The following LRIG1 variants were observed in gnomAD, a reference collection of about 807,000 sequenced individuals.
LRIG1 encodes leucine rich repeats and immunoglobulin like domains 1, also known as leucine-rich repeats and immunoglobulin-like domains protein 1.
LRIG1 carries 48 observed loss-of-function variants against 99.2 expected under a neutral mutation model. The ratio of observed to expected loss-of-function variants is 0.48; its 90% CI spans 0.38 to 0.62. The LOEUF (loss-of-function observed/expected upper bound fraction) is 0.62. LRIG1 is among the 20% of genes least tolerant of loss of function. The pLI, the probability that LRIG1 is intolerant of heterozygous loss-of-function variation, is 0.00. For synonymous variants in LRIG1, 772 were observed against 596.1 expected (o/e 1.29, Z -4.30); for missense variants, 1,646 against 1,434.4 (o/e 1.15, Z -2.38).
intron 2 of LRIG1, among the ~76,000 whole-genome samples, chr3:66,460,430 G>A (rs1004320500): frequency 1.3e-5 from 2 of 152,202 alleles, no homozygotes; most frequent in African/African-American, 4.8e-5. Flanking sequence ...TCCATATGCT[G>A]AAGCTCTAAC....
rs761699867 is a variant in LRIG1, at chr3:66,417,089, A to G, written c.503+40T>C. On this transcript the variant is annotated intron_variant, in intron 4 of 18. Coordinates refer to ENST00000273261, the MANE Select transcript of LRIG1 (RefSeq NM_015541.3). ...CGGTGAAGCTGTTAGCTGGCTGGAC[A>G]CAGCGGGCCAGCCACAGGTGGCAGA... The G allele has an allele frequency of 1.7e-5, 28 of 1,603,664 alleles. No individual in the cohort carries two copies. In the East Asian group the frequency reaches 3.8e-4, roughly 22 times the overall value.
In LRIG1 at chr3:66,382,029, T is replaced by A. The variant is rs1232208251; in HGVS notation, c.2617+244A>T. Among the ~76,000 whole-genome samples the A allele has an allele frequency of 2.0e-5, 3 of 152,240 alleles. No individual in the cohort carries two copies. In the East Asian group the frequency reaches 5.8e-4, roughly 29 times the overall value. ...CAGCTGCTACTCCAGGCAAGCCTACTTTATCCTGCCAGGGAGATGCTAAGC... is the reference window on the plus strand; with the variant it reads ...CAGCTGCTACTCCAGGCAAGCCTACATTATCCTGCCAGGGAGATGCTAAGC... On this transcript the variant is annotated intron_variant, in intron 16 of 18. Coordinates refer to ENST00000273261, the MANE Select transcript of LRIG1 (RefSeq NM_015541.3).
At chr3:66,406,505 C>T (rs1702274305) in intron 8 of LRIG1, 1 of 828,048 alleles carries the variant, frequency 1.2e-6, no homozygotes, top group South Asian at 5.5e-5. Context: ...GCCGGCTCTG[C>T]CAGGTGCAAG....
At chr3:66,417,540 G>A (rs1284842364) in intron 3 of LRIG1, 1 of 427,906 alleles carries the variant, frequency 2.3e-6, no homozygotes, top group African/African-American at 2.0e-5. Context: ...TGAAGACCAT[G>A]TGAGACCAGC....
At chr3:66,431,462 T>C (rs1703169403) in intron 3 of LRIG1, among the ~76,000 whole-genome samples, 1 of 152,154 alleles carries the variant, frequency 6.6e-6, no homozygotes, top group Non-Finnish European at 1.5e-5. Context: ...GAGGCTGCCA[T>C]GCATGGTTTT....
At chr3:66,456,753 A>G (rs1461402984) in intron 2 of LRIG1, among the ~76,000 whole-genome samples, 1 of 152,120 alleles carries the variant, frequency 6.6e-6, no homozygotes, top group African/African-American at 2.4e-5. Flanking sequence ...AATACCCAAT[A>G]GCAGGCAGGG....
rs1409336066 is a variant in LRIG1 at position 66,383,402 on chromosome 3, C to G, written c.2072-1G>C. 1.3e-6 allele frequency: 2 copies of G among 1,541,720 alleles called. No individual in the cohort carries two copies. Among genetic ancestry groups the G allele is most frequent in the Non-Finnish European group, 1.8e-6 (2 of 1,140,146 alleles). On this transcript the variant is annotated splice_acceptor_variant, in intron 14 of 18. Coordinates refer to ENST00000273261, the MANE Select transcript of LRIG1 (RefSeq NM_015541.3). LOFTEE classifies it high-confidence loss of function. ...AAGGGGACCACCAAGGATGGGGTCTCTACAAGAGAGCAACAGAGATCTTAG... is the reference window on the plus strand; with the variant it reads ...AAGGGGACCACCAAGGATGGGGTCTGTACAAGAGAGCAACAGAGATCTTAG...
intron 1 of LRIG1, among the ~76,000 whole-genome samples, chr3:66,478,838 C>T (rs928646963): frequency 2.4e-4 from 37 of 152,188 alleles, no homozygotes; most frequent in Non-Finnish European, 2.6e-4. Context: ...AAATTAAAAA[C>T]AAAACTCAGA....
chr3:66,403,833 G>A (rs1559779798), intron 9 of LRIG1, among the ~76,000 whole-genome samples: 1 of 152,124 alleles, frequency 6.6e-6, no homozygotes, highest in Non-Finnish European at 1.5e-5. Flanking sequence ...CCTTCAATCG[G>A]TTATGGCCGA....
intron 1 of LRIG1, among the ~76,000 whole-genome samples, chr3:66,486,088 A>ATT (rs1395838035): frequency 6.6e-6 from 1 of 152,146 alleles, no homozygotes; most frequent in African/African-American, 2.4e-5. Context: ...CAGAGACAAT[A>ATT]TTTTTCATAG....
intron 1 of LRIG1, among the ~76,000 whole-genome samples, chr3:66,497,727 A>AAAAG (rs1309704557): frequency 1.3e-5 from 2 of 151,274 alleles, no homozygotes; most frequent in Admixed American, 1.3e-4. Flanking sequence ...AAAAAAAAAA[A>AAAAG]AGGTCCCATA....
At chr3:66,405,370 C>T in intron 8 of LRIG1, 92 bp from the exon 9 acceptor site, 1 of 1,034,902 alleles carries the variant, frequency 9.7e-7, no homozygotes, top group Non-Finnish European at 1.5e-6. Context: ...AGCTGAAGTC[C>T]CCTGGGTGCA....
intron 3 of LRIG1, among the ~76,000 whole-genome samples, chr3:66,448,477 G>C (rs887262705): frequency 2.6e-5 from 4 of 152,222 alleles, no homozygotes; most frequent in Non-Finnish European, 4.4e-5. Flanking sequence ...GGGTAACTAT[G>C]TCTTTTGTGA....
rs948127212 is a variant in LRIG1, at chr3:66,422,746, T to C, written c.366-5480A>G. 2.6e-4 allele frequency among the ~76,000 whole-genome samples: 40 copies of C among 152,222 alleles called. 1 individual carries two copies. The highest frequency in any genetic ancestry group is 2.9e-5 in the Non-Finnish European group (2 of 68,032). Reference sequence around the variant, plus strand: ...TTTCAGCAATGTCCCACTCTACTGGTACCAATTTACTGTCTTAGTTATTTT... The same window carrying C: ...TTTCAGCAATGTCCCACTCTACTGGCACCAATTTACTGTCTTAGTTATTTT... On this transcript the variant is annotated intron_variant, in intron 3 of 18. Transcript: ENST00000273261.
At chr3:66,401,623 CAT>C in intron 9 of LRIG1, 1 of 1,527,542 alleles carries the variant, frequency 6.5e-7, no homozygotes, top group Non-Finnish European at 8.8e-7. Flanking sequence ...CCCCAGCAGA[CAT>C]ATGGGGCTGG....
At chr3:66,463,099 C>A (rs916378867) in intron 1 of LRIG1, among the ~76,000 whole-genome samples, 8 of 152,148 alleles carry the variant, frequency 5.3e-5, no homozygotes, top group African/African-American at 1.4e-4. Flanking sequence ...AAATATCTTA[C>A]AATGCACAGG....
chr3:66,383,252 A>C lies in LRIG1; in HGVS notation c.2221T>G (p.Leu741Val), dbSNP rs900171. 1.9e-6 allele frequency: 3 copies of C among 1,613,988 alleles called. No homozygotes were observed. Among genetic ancestry groups the C allele is most frequent in the Non-Finnish European group, 2.5e-6 (3 of 1,179,976 alleles). The change falls in exon 15 of 19, where the codon TTG becomes GTG. Residue 741 changes from leucine to valine, a missense_variant. Coordinates refer to ENST00000273261, the MANE Select transcript of LRIG1 (RefSeq NM_015541.3). ...RPLSLTERHH[L>V]TPDNQLLVVQ... ...ACCAGGAGCTGGTTGTCAGGGGTCA[A>C]GTGGTGCCGCTCAGTGAGGCTCAGC...
chr3:66,477,121 C>T (rs929072413), intron 1 of LRIG1, among the ~76,000 whole-genome samples: 5 of 152,166 alleles, frequency 3.3e-5, no homozygotes, highest in South Asian at 2.1e-4. Flanking sequence ...GCCAGTATTT[C>T]CTCACACACG....
chr3:66,464,938 A>C (rs190202230), intron 1 of LRIG1, among the ~76,000 whole-genome samples: 30 of 152,374 alleles, frequency 2.0e-4, no homozygotes, highest in African/African-American at 7.2e-4. Context: ...GAAGCCTAGC[A>C]GTATCAGGAC....
Sources: allele counts gnomAD v4.1 joint callset (sites outside exome capture counted in the v4.1 genomes callset), GRCh38; gene constraint gnomAD v4.1.1; transcripts MANE v1.5; gene names NCBI Gene and HGNC (gene_info 2026-07-23, HGNC 2026-07-21).